The following ASB3 variants were observed in gnomAD, a reference collection of about 807,000 sequenced individuals.
ASB3 encodes the protein ankyrin repeat and SOCS box containing 3, also known as ankyrin repeat and SOCS box protein 3.
ASB3 carries 41 observed loss-of-function variants against 54.5 expected under a neutral mutation model. The observed-to-expected ratio is 0.75, with a 90% confidence interval of 0.59 to 0.98. ASB3 has a LOEUF of 0.98. Among genes scored for constraint, ASB3 ranks in the 50% least tolerant of loss-of-function variants. The pLI is 0.00. For synonymous variants in ASB3, 266 were observed against 221.2 expected, an observed-to-expected ratio of 1.20 and a Z score of -1.80; for missense variants, 733 against 620.0, an observed-to-expected ratio of 1.18 and a Z score of -1.94.
intron 5 of ASB3, among the ~76,000 whole-genome samples, chr2:53,721,398 C>CAAAAAAAAAAAAAAAAA (rs1195017138): frequency 2.3e-5 from 2 of 87,386 alleles, no homozygotes; most frequent in African/African-American, 8.6e-5. Context: ...TACTAAACTA[C>CAAAAAAAAAAAAAAAAA]AAAAAAAAAA....
intron 9 of ASB3, among the ~76,000 whole-genome samples, chr2:53,675,125 C>A (rs1263822818): frequency 6.6e-6 from 1 of 152,144 alleles, no homozygotes; most frequent in Non-Finnish European, 1.5e-5. Flanking sequence ...CACTTCCCTG[C>A]ATCAAAAGGC....
intron 5 of ASB3, 24 bp downstream of exon 5, chr2:53,728,688 A>G: frequency 6.4e-7 from 1 of 1,557,942 alleles, no homozygotes; most frequent in Non-Finnish European, 8.7e-7. Context: ...TCTTAACAGT[A>G]CAAAGGCTAA....
At chr2:53,760,829 G>T (rs1171221697) in intron 2 of ASB3, among the ~76,000 whole-genome samples, 1 of 152,102 alleles carries the variant, frequency 6.6e-6, no homozygotes, top group Non-Finnish European at 1.5e-5. Flanking sequence ...TAACCTCCTT[G>T]TTAAGTTTGT....
chr2:53,747,638 T>C (rs1672297245), intron 3 of ASB3, among the ~76,000 whole-genome samples: 1 of 152,242 alleles, frequency 6.6e-6, no homozygotes, highest in Non-Finnish European at 1.5e-5. Context: ...ACAAATAATT[T>C]ACTGAATACC....
chr2:53,720,618 G>C (rs1340562727), intron 5 of ASB3, among the ~76,000 whole-genome samples: 1 of 152,164 alleles, frequency 6.6e-6, no homozygotes, highest in Non-Finnish European at 1.5e-5. Context: ...GAGATCTATA[G>C]AGATAGCAAT....
At chr2:53,737,908 G>A (rs972313435) in intron 3 of ASB3, among the ~76,000 whole-genome samples, 1 of 152,034 alleles carries the variant, frequency 6.6e-6, no homozygotes, top group African/African-American at 2.4e-5. Context: ...ATACTAAAGT[G>A]TATATTAATT....
At chr2:53,742,385 C>A (rs147918199) in intron 3 of ASB3, among the ~76,000 whole-genome samples, 1 of 151,998 alleles carries the variant, frequency 6.6e-6, no homozygotes. Context: ...CAAATCCATA[C>A]AAAGATACAA....
At chr2:53,766,491 G>C (rs545216115) in intron 1 of ASB3, among the ~76,000 whole-genome samples, 1 of 151,910 alleles carries the variant, frequency 6.6e-6, no homozygotes, top group African/African-American at 2.4e-5. Flanking sequence ...TTTTTTTTTA[G>C]GGAACTTGTT....
intron 1 of ASB3, chr2:53,774,131 T>A (rs1354743965): frequency 6.3e-7 from 1 of 1,576,488 alleles, no homozygotes; most frequent in South Asian, 1.2e-5. Context: ...ATTCTTTTCA[T>A]TTTTCAACAG....
intron 7 of ASB3, among the ~76,000 whole-genome samples, chr2:53,710,298 G>A (rs1274473836): frequency 1.3e-5 from 2 of 152,134 alleles, no homozygotes; most frequent in East Asian, 1.9e-4. Flanking sequence ...ATTTGGCTAT[G>A]GAGTCCATGT....
chr2:53,724,981 A>C (rs7595713), intron 5 of ASB3, among the ~76,000 whole-genome samples: 1 of 152,138 alleles, frequency 6.6e-6, no homozygotes, highest in African/African-American at 2.4e-5. Flanking sequence ...ATGCACTTGC[A>C]TGTTCATCAC....
chr2:53,692,701 C>A (rs1363025298), intron 9 of ASB3, among the ~76,000 whole-genome samples: 2 of 152,126 alleles, frequency 1.3e-5, no homozygotes, highest in Admixed American at 1.3e-4. Context: ...CAATAATTTT[C>A]CCATTTGGCA....
intron 9 of ASB3, among the ~76,000 whole-genome samples, chr2:53,687,941 C>G (rs1668717262): frequency 6.6e-6 from 1 of 152,070 alleles, no homozygotes; most frequent in Non-Finnish European, 1.5e-5. Flanking sequence ...TATGCCTCCC[C>G]CAAGCAGCTG....
At chr2:53,744,528 C>T (rs1455146508) in intron 3 of ASB3, among the ~76,000 whole-genome samples, 1 of 151,874 alleles carries the variant, frequency 6.6e-6, no homozygotes, top group East Asian at 1.9e-4. Flanking sequence ...TAGTAAACTC[C>T]ATACTTTCAA....
intron 1 of ASB3, among the ~76,000 whole-genome samples, chr2:53,781,786 C>T (rs546886277): frequency 5.9e-5 from 9 of 152,338 alleles, no homozygotes; most frequent in Admixed American, 1.3e-4. Flanking sequence ...TGAGCCACCA[C>T]GCCCGGCGGA....
chr2:53,766,431 T>G (rs1673459427), intron 1 of ASB3, among the ~76,000 whole-genome samples: 1 of 152,232 alleles, frequency 6.6e-6, no homozygotes, highest in South Asian at 2.1e-4. Flanking sequence ...ATTGTTAATT[T>G]TCTCAGATGT....
Position 53,723,122 on chromosome 2 carries a change from T to C in ASB3, c.604+5590A>G, listed in dbSNP as rs1049194560. The stretch of plus-strand genomic sequence containing the variant: ...CAAAAAAAAATTTTAAACCTGGGAA[T>C]ACATCTTACCAAGGAGGTGAAAGAT... On this transcript the variant is annotated intron_variant, in intron 5 of 9. Transcript: ENST00000263634. Among the ~76,000 whole-genome samples the C allele has an allele frequency of 3.9e-5, 6 of 152,202 alleles. No homozygotes were observed. The East Asian group carries it at 7.7e-4, about 20-fold the overall frequency.
chr2:53,725,543 A>AT (rs1238579474), intron 5 of ASB3, among the ~76,000 whole-genome samples: 2 of 152,220 alleles, frequency 1.3e-5, no homozygotes, highest in African/African-American at 4.8e-5. Context: ...TTTTGTGAAG[A>AT]TTTTGAAAAT....
At chr2:53,752,926 T>A (rs912677083) in intron 2 of ASB3, among the ~76,000 whole-genome samples, 2 of 152,034 alleles carry the variant, frequency 1.3e-5, no homozygotes, top group African/African-American at 4.8e-5. Flanking sequence ...AACTTTCTCT[T>A]GTAAAGTAGA....
Sources: allele counts gnomAD v4.1 joint callset (sites outside exome capture counted in the v4.1 genomes callset), GRCh38; gene constraint gnomAD v4.1.1; transcripts MANE v1.5; gene names NCBI Gene and HGNC (gene_info 2026-07-23, HGNC 2026-07-21).